The following ALDH1A3 variants were observed in gnomAD, a reference collection of about 807,000 sequenced individuals.
ALDH1A3 encodes the protein retinaldehyde dehydrogenase 3.
ALDH1A3 carries 28 observed loss-of-function variants against 57.5 expected under a neutral mutation model. That is an observed-to-expected ratio of 0.49 (90% confidence interval 0.36 to 0.67). ALDH1A3 has a LOEUF of 0.67. Among genes scored for constraint, ALDH1A3 ranks in the 30% least tolerant of loss-of-function variants. ALDH1A3 has a pLI of 0.00. For synonymous variants in ALDH1A3, 281 were observed against 264.8 expected, an observed-to-expected ratio of 1.06 and a Z score of -0.59; for missense variants, 507 against 669.4, an observed-to-expected ratio of 0.76 and a Z score of 2.68.
At chr15:100,910,208 T>C (rs2041868766) in intron 12 of ALDH1A3, among the ~76,000 whole-genome samples, 2 of 152,268 alleles carry the variant, frequency 1.3e-5, no homozygotes, top group South Asian at 2.1e-4. Context: ...GAGTGAAGCC[T>C]GTCCATTAGC....
intron 8 of ALDH1A3, among the ~76,000 whole-genome samples, chr15:100,899,535 A>G (rs917729675): frequency 6.6e-5 from 10 of 152,176 alleles, no homozygotes; most frequent in African/African-American, 1.7e-4. Context: ...ACATCCTGAC[A>G]TAACCAGCAT....
chr15:100,890,494 G>A (rs1039101623), intron 3 of ALDH1A3, among the ~76,000 whole-genome samples: 2 of 152,176 alleles, frequency 1.3e-5, no homozygotes, highest in East Asian at 3.8e-4. Flanking sequence ...GTAAATTCAT[G>A]TTGTCACTCC....
In ALDH1A3 at chr15:100,894,219, T is replaced by A; in HGVS notation, c.666+137T>A. The A allele has an allele frequency of 8.8e-7, 1 of 1,130,798 alleles. No individual in the cohort carries two copies. Among genetic ancestry groups the A allele is most frequent in the African/African-American group, 1.6e-5 (1 of 64,470 alleles). The allele number at this position is 1,130,798 out of a possible 1,614,324, so 70.0% of individuals were successfully genotyped here. Reference sequence around the variant, plus strand: ...AAGGGAATGACTTCCAGTGTTTTGTTTGGCGACTGCACGTTCTTTCTCCTG... The same window carrying A: ...AAGGGAATGACTTCCAGTGTTTTGTATGGCGACTGCACGTTCTTTCTCCTG... On this transcript the variant is annotated intron_variant, in intron 6 of 12. Coordinates refer to ENST00000329841, the MANE Select transcript of ALDH1A3 (RefSeq NM_000693.4). This position sits in a 1 kb window ranked among gnomAD's most constrained non-coding sequence, Gnocchi z 4.5.
rs1417017092 is a variant in ALDH1A3, at chr15:100,893,280, C to G, written c.537+274C>G. The G allele has an allele frequency of 1.1e-5, 4 of 372,528 alleles. No homozygotes were observed. In the East Asian group the frequency reaches 1.6e-4, roughly 15 times the overall value. 23.1% of individuals were successfully genotyped at this position (372,528 alleles called of 1,614,324 possible). On this transcript the variant is annotated intron_variant, in intron 5 of 12. Coordinates refer to ENST00000329841, the MANE Select transcript of ALDH1A3 (RefSeq NM_000693.4). This position sits in a 1 kb window ranked among gnomAD's most constrained non-coding sequence, Gnocchi z 4.8. ...GCCAGCATTCCCAGGAAGGTGGTCT[C>G]TTAGCTGGGCCTTAAAGATAAGAAA...
rs982399444 is a variant in ALDH1A3, at chr15:100,906,321, G to A, written c.1233+634G>A. 1.1e-4 allele frequency among the ~76,000 whole-genome samples: 16 copies of A among 152,210 alleles called. No homozygotes were observed. Among genetic ancestry groups the A allele is most frequent in the African/African-American group, 3.9e-4 (16 of 41,452 alleles). On this transcript the variant is annotated intron_variant, in intron 10 of 12. Transcript: ENST00000329841. This position sits in a 1 kb window ranked among gnomAD's most constrained non-coding sequence, Gnocchi z 4.8. ...TTGTAAGAGGAGAGCTGGATCCCAGGAGGTTAGACCCTGGAGGTGGTATTT... is the reference window on the plus strand; with the variant it reads ...TTGTAAGAGGAGAGCTGGATCCCAGAAGGTTAGACCCTGGAGGTGGTATTT...
Position 100,894,843 on chromosome 15 carries a change from G to A in ALDH1A3, c.666+761G>A, listed in dbSNP as rs1375067118. The A allele has an allele frequency of 6.6e-6, 1 of 152,206 alleles. No individual in the cohort carries two copies. Among genetic ancestry groups the A allele is most frequent in the African/African-American group, 2.4e-5 (1 of 41,440 alleles). 9.4% of individuals were successfully genotyped at this position (152,206 alleles called of 1,614,324 possible). On this transcript the variant is annotated intron_variant, in intron 6 of 12. Coordinates refer to ENST00000329841, the MANE Select transcript of ALDH1A3 (RefSeq NM_000693.4). This position sits in a 1 kb window ranked among gnomAD's most constrained non-coding sequence, Gnocchi z 4.5. The stretch of plus-strand genomic sequence containing the variant: ...AATTAAGTCACACTGGTGAGACTTA[G>A]GAATGTGAAAATCCCAACTGTTAAG...
intron 6 of ALDH1A3, chr15:100,895,646 A>C: frequency 2.2e-6 from 1 of 447,772 alleles, no homozygotes; most frequent in Non-Finnish European, 4.1e-6. Flanking sequence ...CTTGAAGCAT[A>C]ACCACACATT....
At chr15:100,881,815 G>A (rs1382686002) in intron 1 of ALDH1A3, among the ~76,000 whole-genome samples, 1 of 152,206 alleles carries the variant, frequency 6.6e-6, no homozygotes, top group African/African-American at 2.4e-5. Flanking sequence ...CACCCGTTGG[G>A]GGACTGTGCT....
intron 11 of ALDH1A3, among the ~76,000 whole-genome samples, chr15:100,907,766 T>G (rs1053260604): frequency 1.3e-5 from 2 of 152,020 alleles, no homozygotes; most frequent in African/African-American, 4.8e-5. Flanking sequence ...GCAGGAGAAC[T>G]TTGGGGTCAG....
chr15:100,916,037 G>A lies in ALDH1A3; in HGVS notation c.*1264G>A, dbSNP rs778138478. Reference sequence around the variant, plus strand: ...CGGATACTTTTATGGTTACTAACTAGTACTTTCCTAATTGGGAAAGTAGTG... The same window carrying A: ...CGGATACTTTTATGGTTACTAACTAATACTTTCCTAATTGGGAAAGTAGTG... On this transcript the variant is annotated 3_prime_UTR_variant, in exon 13 of 13. Transcript: ENST00000329841. 6.6e-6 allele frequency: 1 copy of A among 152,186 alleles called. No individual in the cohort carries two copies. Among genetic ancestry groups the A allele is most frequent in the Non-Finnish European group, 1.5e-5 (1 of 68,040 alleles). The allele number at this position is 152,186 out of a possible 1,614,324, so 9.4% of individuals were successfully genotyped here.
At chr15:100,886,423 C>T (rs997441302) in intron 2 of ALDH1A3, among the ~76,000 whole-genome samples, 4 of 152,202 alleles carry the variant, frequency 2.6e-5, no homozygotes, top group Non-Finnish European at 4.4e-5. Flanking sequence ...GTCTGAGTGA[C>T]TGTTCTGAGC....
At chr15:100,912,990 C>T (rs185150604) in intron 12 of ALDH1A3, among the ~76,000 whole-genome samples, 2,013 of 70,812 alleles carry the variant, frequency 0.028, 648 homozygotes, top group East Asian at 0.1. Flanking sequence ...AACCCCGTCT[C>T]TACTAAAAAT....
At chr15:100,908,290 G>C in intron 11 of ALDH1A3, 118 bp from the exon 12 acceptor site, 1 of 797,900 alleles carries the variant, frequency 1.3e-6, no homozygotes, top group South Asian at 1.7e-5. Flanking sequence ...CATCAAGGAA[G>C]CTTTGGCAAA....
intron 1 of ALDH1A3, 45 bp from the exon 2 acceptor site, chr15:100,885,222 G>C (rs1292805248): frequency 7.3e-7 from 1 of 1,376,992 alleles, no homozygotes; most frequent in Non-Finnish European, 1.0e-6. Flanking sequence ...GAAATTATAT[G>C]ATTTTGATCT....
rs774353978 is a variant in ALDH1A3, at chr15:100,914,772, GA to G, written c.*1del. The G allele has an allele frequency of 3.1e-6, 5 of 1,614,026 alleles. No individual in the cohort carries two copies. The South Asian group carries it at 5.5e-5, about 18-fold the overall frequency. ...VTIKLGDKNP[*>X] is the part of the protein sequence containing the mutation. ...ATCAAACTTGGCGACAAGAACCCCT[GA>G]AGGAAAGGCGGGGCTCCTTCCTCAA... On this transcript the variant is annotated frameshift_variant and stop_lost, in exon 13 of 13. Coordinates refer to ENST00000329841, the MANE Select transcript of ALDH1A3 (RefSeq NM_000693.4). LOFTEE classifies it high-confidence loss of function.
At chr15:100,883,138 T>A (rs2041562263) in intron 1 of ALDH1A3, among the ~76,000 whole-genome samples, 1 of 152,188 alleles carries the variant, frequency 6.6e-6, no homozygotes, top group African/African-American at 2.4e-5. Context: ...ATTTATATTC[T>A]CTTCTGCCAC....
At chr15:100,896,572 G>C (rs191834446) in intron 7 of ALDH1A3, among the ~76,000 whole-genome samples, 6 of 152,342 alleles carry the variant, frequency 3.9e-5, no homozygotes. Flanking sequence ...GCTAAGAACT[G>C]AAATGATACT....
At chr15:100,880,029 C>T in intron 1 of ALDH1A3, 23 bp downstream of exon 1, 1 of 1,436,582 alleles carries the variant, frequency 7.0e-7, no homozygotes, top group Non-Finnish European at 9.2e-7. Context: ...CCCCTCCCAC[C>T]CGACGGCCGC....
intron 3 of ALDH1A3, among the ~76,000 whole-genome samples, chr15:100,890,833 C>T (rs1429388430): frequency 6.6e-6 from 1 of 152,216 alleles, no homozygotes; most frequent in African/African-American, 2.4e-5. Context: ...ATAGGTCAGT[C>T]TTAGAGGCCT....
Sources: gnomAD v4.1 joint callset for allele counts (sites outside exome capture counted in the v4.1 genomes callset) on GRCh38, gnomAD v4.1.1 for gene constraint, Gnocchi (gnomAD v3.1) non-coding constraint, MANE v1.5 for transcripts, NCBI Gene and HGNC (gene_info 2026-07-23, HGNC 2026-07-21) for gene names.